The following CSGALNACT1 variants were observed in gnomAD, a reference collection of about 807,000 sequenced individuals.
The protein encoded by CSGALNACT1 is chondroitin sulfate N-acetylgalactosaminyltransferase 1.
Under a neutral mutation model 51.0 loss-of-function variants are expected in CSGALNACT1, and 52 were observed. That is an observed-to-expected ratio of 1.02 (90% CI 0.82 to 1.29). The LOEUF is 1.29. Ranked by LOEUF, CSGALNACT1 falls within the 50% of genes most tolerant of loss-of-function variation. The pLI, the probability that CSGALNACT1 is intolerant of heterozygous loss-of-function variation, is 0.00. For missense variants in CSGALNACT1, 935 were observed against 679.2 expected, an observed-to-expected ratio of 1.38 and a Z score of -4.19; for synonymous variants, 341 against 254.4, an observed-to-expected ratio of 1.34 and a Z score of -3.24.
rs530541255 is a variant in CSGALNACT1, at chr8:19,423,224, T to TC, written c.954-2707dup. On this transcript the variant is annotated intron_variant, in intron 6 of 9. Coordinates refer to ENST00000454498, the Ensembl canonical transcript of CSGALNACT1. ...TAAATGAGCTGCGACATCAAGAATC[T>TC]CCCCCTTGAACAGCCTACAGTCCAT... is the stretch of plus-strand genomic sequence containing the variant. Among the ~76,000 whole-genome samples the TC allele has an allele frequency of 3.3e-5, 5 of 152,170 alleles. No individual in the cohort carries two copies. The South Asian group carries it at 1.0e-3, about 32-fold the overall frequency.
chr8:19,520,050 G>A (rs759161178), intron 3 of CSGALNACT1, among the ~76,000 whole-genome samples: 16 of 152,348 alleles, frequency 1.1e-4, no homozygotes, highest in Middle Eastern at 3.4e-3. Flanking sequence ...GAGGGGTTAA[G>A]AATGAAACTG....
At chr8:19,696,730 G>T (rs1424858671) in intron 1 of CSGALNACT1, among the ~76,000 whole-genome samples, 1 of 152,134 alleles carries the variant, frequency 6.6e-6, no homozygotes, top group Admixed American at 6.5e-5. Flanking sequence ...CAGGGCTGTT[G>T]CAAGGCTTCA....
intron 1 of CSGALNACT1, among the ~76,000 whole-genome samples, chr8:19,708,128 G>A (rs1392295428): frequency 3.3e-5 from 5 of 152,208 alleles, no homozygotes; most frequent in Admixed American, 1.3e-4. Flanking sequence ...AACTGAGAAC[G>A]GGAGGAAAGC....
intron 1 of CSGALNACT1, among the ~76,000 whole-genome samples, chr8:19,736,909 C>T (rs1039264268): frequency 1.4e-5 from 2 of 138,564 alleles, no homozygotes; most frequent in African/African-American, 2.7e-5. Context: ...TCAGGAATCT[C>T]ACAAAACTCT....
Position 19,593,949 on chromosome 8 carries a change from GAGA to G in CSGALNACT1, c.-415-2674_-415-2672del, listed in dbSNP as rs2048363132. ...CCTCTAGGCTGCTTCAGGATGGAAG[GAGA>G]AGGACTGGAATGGTGACTTGGAGAC... On this transcript the variant is annotated intron_variant, in intron 2 of 9. Coordinates refer to ENST00000454498, the Ensembl canonical transcript of CSGALNACT1. Among the ~76,000 whole-genome samples the G allele has an allele frequency of 3.3e-5, 5 of 152,300 alleles. No homozygotes were observed. In the South Asian group the frequency reaches 1.0e-3, roughly 32 times the overall value.
rs186929977 is a variant in CSGALNACT1 at position 19,478,592 on chromosome 8, C to T, written c.635-19950G>A. 1.1e-4 allele frequency among the ~76,000 whole-genome samples: 16 copies of T among 152,144 alleles called. No homozygotes were observed. In the East Asian group the frequency reaches 2.3e-3, roughly 22 times the overall value. On this transcript the variant is annotated intron_variant, in intron 4 of 9. Coordinates refer to ENST00000454498, the Ensembl canonical transcript of CSGALNACT1. ...CAATGATTCCATAATCCAGTGATTC[C>T]TGCAAGGAGGTAACATCATTCACAG...
intron 1 of CSGALNACT1, among the ~76,000 whole-genome samples, chr8:19,631,535 T>C (rs2975416): frequency 0.59 from 90,161 of 151,616 alleles, 27,124 homozygotes; most frequent in African/African-American, 0.66. Flanking sequence ...GCCAATCAAA[T>C]TGGAGGGCTC....
chr8:19,551,226 G>T (rs1564010212), intron 3 of CSGALNACT1, among the ~76,000 whole-genome samples: 1 of 152,174 alleles, frequency 6.6e-6, no homozygotes, highest in Non-Finnish European at 1.5e-5. Context: ...AACCAACATG[G>T]CAGACAGCAG....
chr8:19,598,410 T>G (rs1334571871), intron 2 of CSGALNACT1, among the ~76,000 whole-genome samples: 1 of 152,158 alleles, frequency 6.6e-6, no homozygotes, highest in African/African-American at 2.4e-5. Context: ...CTCATTCCAT[T>G]CAACGAAAAT....
chr8:19,526,530 C>G lies in CSGALNACT1; in HGVS notation c.-296-20400G>C, dbSNP rs188176751. On this transcript the variant is annotated intron_variant, in intron 3 of 9. Transcript: ENST00000454498. Reference sequence around the variant, plus strand: ...CCTGGGAGGCGGAGGTTGCAGTGAGCCAAGATTGTGCCACTGCACTCCAGC... The same window carrying G: ...CCTGGGAGGCGGAGGTTGCAGTGAGGCAAGATTGTGCCACTGCACTCCAGC... Among the ~76,000 whole-genome samples, 892 of 152,186 alleles carry G rather than the reference C, an allele frequency of 5.9e-3. 9 individuals carry two copies. The highest frequency in any genetic ancestry group is 9.6e-3 in the South Asian group (46 of 4,816).
chr8:19,405,562 A>C (rs1230239472), exon 10 of CSGALNACT1: 2 of 698,058 alleles, frequency 2.9e-6, no homozygotes, highest in African/African-American at 3.5e-5. Flanking sequence ...TTTGTCAGAC[A>C]CTTCACAGGG....
At chr8:19,741,607 G>C (rs1282006764) in intron 1 of CSGALNACT1, among the ~76,000 whole-genome samples, 3 of 151,038 alleles carry the variant, frequency 2.0e-5, no homozygotes, top group Admixed American at 2.0e-4. Flanking sequence ...GAGTCGGGGA[G>C]CTGATCCTGC....
intron 3 of CSGALNACT1, among the ~76,000 whole-genome samples, chr8:19,567,723 G>A (rs1022965251): frequency 3.9e-5 from 6 of 152,012 alleles, no homozygotes; most frequent in Admixed American, 6.6e-5. Flanking sequence ...TTTTCTATAC[G>A]TAGAAAATAG....
chr8:19,710,686 C>T (rs2062453071), intron 1 of CSGALNACT1, among the ~76,000 whole-genome samples: 1 of 152,142 alleles, frequency 6.6e-6, no homozygotes, highest in Non-Finnish European at 1.5e-5. Context: ...GGGTAAAAAT[C>T]CTTCCTTTAA....
chr8:19,602,762 G>T (rs552353882), upstream of CSGALNACT1: 1 of 152,228 alleles, frequency 6.6e-6, no homozygotes. Context: ...AGCAGAATGG[G>T]AAAGAGGTGC....
chr8:19,702,319 C>A (rs745336223), intron 1 of CSGALNACT1, among the ~76,000 whole-genome samples: 25 of 151,830 alleles, frequency 1.6e-4, no homozygotes, highest in Non-Finnish European at 1.5e-5. Flanking sequence ...CTGAGACCAG[C>A]CTGGGCAACA....
intron 4 of CSGALNACT1, among the ~76,000 whole-genome samples, chr8:19,468,470 C>T (rs944395268): frequency 1.5e-4 from 23 of 152,008 alleles, no homozygotes; most frequent in African/African-American, 5.3e-4. Flanking sequence ...GCCGGGTCAG[C>T]GTTTTAGCAT....
chr8:19,630,287 CTT>C (rs2055067327), intron 1 of CSGALNACT1, among the ~76,000 whole-genome samples: 1 of 148,748 alleles, frequency 6.7e-6, no homozygotes, highest in African/African-American at 2.5e-5. Flanking sequence ...AAGACTGAAA[CTT>C]GAGTTTCATA....
At chr8:19,576,271 G>A (rs62494464) in intron 3 of CSGALNACT1, among the ~76,000 whole-genome samples, 7,307 of 152,100 alleles carry the variant, frequency 0.048, 230 homozygotes, top group East Asian at 0.14. Flanking sequence ...TCTCAGCTCA[G>A]TGCAACCTCC....
Sources: allele counts gnomAD v4.1 joint callset (sites outside exome capture counted in the v4.1 genomes callset), GRCh38; gene constraint gnomAD v4.1.1; transcripts MANE v1.5; gene names NCBI Gene and HGNC (gene_info 2026-07-23, HGNC 2026-07-21).